SRP9: variants seen among roughly 807,000 people sequenced by gnomAD.
SRP9 encodes signal recognition particle 9, also known as signal recognition particle 9 kDa protein.
In SRP9, 2 loss-of-function variants were observed where a neutral mutation model predicts 11.7. That is an observed-to-expected ratio of 0.17 (90% CI 0.07 to 0.54). The LOEUF (loss-of-function observed/expected upper bound fraction) is 0.54. Ranked by LOEUF, SRP9 falls within the 20% of genes least tolerant of loss-of-function variation. SRP9 has a pLI of 0.94. For missense variants in SRP9, 54 were observed against 108.1 expected, an observed-to-expected ratio of 0.50 and a Z score of 2.22; for synonymous variants, 27 against 35.6, an observed-to-expected ratio of 0.76 and a Z score of 0.86.
chr1:225,778,150 C>G, intron 1 of SRP9, 138 bp downstream of exon 1: 1 of 968,320 alleles, frequency 1.0e-6, no homozygotes, highest in South Asian at 1.6e-5. Context: ...AGTTAATGTT[C>G]TGCTCTCTCG....
chr1:225,782,026 G>A (rs1665810038), intron 1 of SRP9, among the ~76,000 whole-genome samples: 1 of 152,046 alleles, frequency 6.6e-6, no homozygotes, highest in African/African-American at 2.4e-5. Context: ...GGGGAAAGCT[G>A]TAGGTTGCAG....
intron 2 of SRP9, chr1:225,789,039 G>A (rs956437804): frequency 3.9e-6 from 6 of 1,550,696 alleles, no homozygotes; most frequent in Middle Eastern, 1.7e-4. Flanking sequence ...CACAGCAGTG[G>A]CATTTAAATT....
Position 225,789,546 on chromosome 1 carries a change from C to G in SRP9, c.*187C>G, listed in dbSNP as rs572884237. On this transcript the variant is annotated 3_prime_UTR_variant, in exon 3 of 3. Transcript: ENST00000304786. ...GATGCAAATGTTTTCAGTTAGAAAGCCTTTATTTACTTTTGGAAATTGAAC... is the reference window on the plus strand; with the variant it reads ...GATGCAAATGTTTTCAGTTAGAAAGGCTTTATTTACTTTTGGAAATTGAAC... 543 of 512,542 alleles carry G rather than the reference C, an allele frequency of 1.1e-3. No homozygotes were observed. Among genetic ancestry groups the G allele is most frequent in the Middle Eastern group, 2.9e-3 (5 of 1,750 alleles). The allele number at this position is 512,542 out of a possible 1,614,324, so 31.7% of individuals were successfully genotyped here.
Position 225,783,130 on chromosome 1 carries a change from T to C in SRP9, c.73-170T>C, listed in dbSNP as rs112794148. Among the ~76,000 whole-genome samples, 444 of 152,334 alleles carry C rather than the reference T, an allele frequency of 2.9e-3. 10 individuals carry two copies. In the East Asian group the frequency reaches 0.042, roughly 14 times the overall value. On this transcript the variant is annotated intron_variant, in intron 1 of 2. Transcript: ENST00000304786. ...ATGGTAGCAAAGGAATGAACTAAAATAGCTGATTTTTTTTTTAACTTCATT... is the reference window on the plus strand; with the variant it reads ...ATGGTAGCAAAGGAATGAACTAAAACAGCTGATTTTTTTTTTAACTTCATT...
chr1:225,788,020 T>C (rs950900774), intron 2 of SRP9, among the ~76,000 whole-genome samples: 1 of 152,204 alleles, frequency 6.6e-6, no homozygotes, highest in Non-Finnish European at 1.5e-5. Context: ...TAAGATGGGC[T>C]GAAGAAAAGT....
chr1:225,783,164 G>T, intron 1 of SRP9, 136 bp from the exon 2 acceptor site: 1 of 589,676 alleles, frequency 1.7e-6, no homozygotes, highest in Non-Finnish European at 2.9e-6. Context: ...TTTCGGTTTA[G>T]TTTATAGTAA....
At chr1:225,786,856 T>G (rs1214516460) in intron 2 of SRP9, 3 of 1,262,204 alleles carry the variant, frequency 2.4e-6, no homozygotes, top group Non-Finnish European at 3.1e-6. Context: ...TTTTTTTTTT[T>G]TTTAGAGACA....
chr1:225,778,848 T>G (rs951522915), intron 1 of SRP9, among the ~76,000 whole-genome samples: 1 of 152,280 alleles, frequency 6.6e-6, no homozygotes. Flanking sequence ...GATTTTATAC[T>G]GAAAACCTCA....
At chr1:225,787,952 T>C (rs1326653359) in intron 2 of SRP9, among the ~76,000 whole-genome samples, 1 of 152,218 alleles carries the variant, frequency 6.6e-6, no homozygotes, top group African/African-American at 2.4e-5. Context: ...GTTATTTAAG[T>C]TGTTGACTTT....
intron 1 of SRP9, among the ~76,000 whole-genome samples, chr1:225,779,987 C>T (rs1460449828): frequency 6.6e-6 from 1 of 152,114 alleles, no homozygotes; most frequent in Non-Finnish European, 1.5e-5. Context: ...TCACTGTGAG[C>T]AAAGCATGTC....
intron 2 of SRP9, among the ~76,000 whole-genome samples, chr1:225,785,521 C>T (rs1487386985): frequency 1.3e-5 from 2 of 152,040 alleles, no homozygotes; most frequent in Non-Finnish European, 2.9e-5. Context: ...GCTGGGACTA[C>T]AGGCGCCCGC....
At chr1:225,788,190 A>G (rs369165638) in intron 2 of SRP9, among the ~76,000 whole-genome samples, 3 of 152,194 alleles carry the variant, frequency 2.0e-5, no homozygotes, top group East Asian at 3.9e-4. Context: ...TTTAAAAGTA[A>G]TATCTTCAAG....
intron 2 of SRP9, among the ~76,000 whole-genome samples, chr1:225,785,816 G>C (rs569352809): frequency 6.6e-6 from 1 of 152,172 alleles, no homozygotes; most frequent in Non-Finnish European, 1.5e-5. Context: ...CCAAGTAGGT[G>C]GGATTACAGG....
Position 225,777,856 on chromosome 1 carries a change from T to C in SRP9, c.-85T>C. ...CATCTTGGGGCTGCTGGGACTCGCG[T>C]CGGTTGGCGACTCCCGGACGTAGGT... On this transcript the variant is annotated 5_prime_UTR_variant, in exon 1 of 3. Coordinates refer to ENST00000304786, the MANE Select transcript of SRP9 (RefSeq NM_003133.6). 4 of 1,345,636 alleles carry C rather than the reference T, an allele frequency of 3.0e-6. No individual in the cohort carries two copies. Among genetic ancestry groups the C allele is most frequent in the Non-Finnish European group, 4.2e-6 (4 of 954,502 alleles). 83.4% of individuals were successfully genotyped at this position (1,345,636 alleles called of 1,614,324 possible). A position where few individuals can be genotyped will look rare whatever the true frequency, so the allele number is the denominator to read the frequency against.
At chr1:225,778,287 C>T (rs1295613118) in intron 1 of SRP9, among the ~76,000 whole-genome samples, 1 of 152,220 alleles carries the variant, frequency 6.6e-6, no homozygotes, top group Non-Finnish European at 1.5e-5. Context: ...TTTATGGCTT[C>T]GGTTGTTTTA....
Position 225,790,320 on chromosome 1 carries a change from C to G in SRP9, c.*961C>G, listed in dbSNP as rs904962972. On this transcript the variant is annotated 3_prime_UTR_variant, in exon 3 of 3. Transcript: ENST00000304786. ...CCACCTAAATGTAATGTTGATTCCTCAAGAATGAAATGAAGGCACTACATT... is the reference window on the plus strand; with the variant it reads ...CCACCTAAATGTAATGTTGATTCCTGAAGAATGAAATGAAGGCACTACATT... 6.6e-6 allele frequency: 1 copy of G among 152,112 alleles called. No individual in the cohort carries two copies. Among genetic ancestry groups the G allele is most frequent in the Non-Finnish European group, 1.5e-5 (1 of 68,036 alleles). The allele number at this position is 152,112 out of a possible 1,614,324, so 9.4% of individuals were successfully genotyped here.
At chr1:225,787,496 T>C (rs989270044) in intron 2 of SRP9, among the ~76,000 whole-genome samples, 2 of 152,110 alleles carry the variant, frequency 1.3e-5, no homozygotes, top group African/African-American at 4.8e-5. Flanking sequence ...ATTGTGCCAC[T>C]GCACTCTAGC....
At position 225,789,934 on chromosome 1, in the gene SRP9, C is replaced by T. The variant is rs1428694916; in HGVS notation, c.*575C>T. On this transcript the variant is annotated 3_prime_UTR_variant, in exon 3 of 3. Coordinates refer to ENST00000304786, the MANE Select transcript of SRP9 (RefSeq NM_003133.6). ...TAACAAGTATGCTTTGCCTTATTTCCACATTTAAACTACCTGTTAATATAA... is the reference window on the plus strand; with the variant it reads ...TAACAAGTATGCTTTGCCTTATTTCTACATTTAAACTACCTGTTAATATAA... The T allele has an allele frequency of 1.3e-5, 2 of 152,298 alleles. No individual in the cohort carries two copies. The highest frequency in any genetic ancestry group is 2.9e-5 in the Non-Finnish European group (2 of 68,148). 9.4% of individuals were successfully genotyped at this position (152,298 alleles called of 1,614,324 possible). A position where few individuals can be genotyped will look rare whatever the true frequency, so the allele number is the denominator to read the frequency against.
intron 2 of SRP9, among the ~76,000 whole-genome samples, chr1:225,784,969 T>C (rs1665875499): frequency 6.6e-6 from 1 of 152,134 alleles, no homozygotes; most frequent in African/African-American, 2.4e-5. Flanking sequence ...AGAGACAGGA[T>C]ATCGCTATGT....
Sources: gnomAD v4.1 joint callset for allele counts (sites outside exome capture counted in the v4.1 genomes callset) on GRCh38, gnomAD v4.1.1 for gene constraint, MANE v1.5 for transcripts, NCBI Gene and HGNC (gene_info 2026-07-23, HGNC 2026-07-21) for gene names.